The following AGBL4 variants were observed in gnomAD, a reference collection of about 807,000 sequenced individuals.
The protein encoded by AGBL4 is AGBL carboxypeptidase 4.
Under a neutral mutation model 66.4 loss-of-function variants are expected in AGBL4, and 58 were observed. The ratio of observed to expected loss-of-function variants is 0.87; its 90% confidence interval spans 0.71 to 1.09. AGBL4 has a LOEUF of 1.09. Ranked by LOEUF, AGBL4 falls within the 50% of genes least tolerant of loss-of-function variation. The probability of loss-of-function intolerance (pLI) is 0.00; values close to 1 mark genes in which losing one functional copy is unlikely to be tolerated. For synonymous variants in AGBL4, 234 were observed against 222.9 expected, an observed-to-expected ratio of 1.05 and a Z score of -0.44; for missense variants, 579 against 631.0, an observed-to-expected ratio of 0.92 and a Z score of 0.88.
chr1:49,015,704 T>C (rs905389754), intron 5 of AGBL4, among the ~76,000 whole-genome samples: 1 of 151,970 alleles, frequency 6.6e-6, no homozygotes, highest in African/African-American at 2.4e-5. Flanking sequence ...GATTACAGGC[T>C]TGAGCCACCG....
intron 2 of AGBL4, among the ~76,000 whole-genome samples, chr1:49,841,566 G>A (rs996272947): frequency 6.6e-6 from 1 of 152,130 alleles, no homozygotes; most frequent in Non-Finnish European, 1.5e-5. Context: ...CAAGGCTGGA[G>A]AAATCATACT....
At chr1:49,597,175 T>C (rs1644868772) in intron 3 of AGBL4, among the ~76,000 whole-genome samples, 3 of 152,224 alleles carry the variant, frequency 2.0e-5, no homozygotes, top group Admixed American at 2.0e-4. Context: ...TGAATAGTAT[T>C]AAGAATCAAT....
chr1:48,681,734 G>C (rs556548638), intron 6 of AGBL4, among the ~76,000 whole-genome samples: 1 of 152,186 alleles, frequency 6.6e-6, no homozygotes, highest in Non-Finnish European at 1.5e-5. Flanking sequence ...GGGGCTCTCA[G>C]CTCAGAGTAA....
intron 1 of AGBL4, among the ~76,000 whole-genome samples, chr1:49,990,168 C>T (rs1659823955): frequency 1.3e-5 from 2 of 152,186 alleles, no homozygotes; most frequent in Non-Finnish European, 1.5e-5. Flanking sequence ...TTTATAATGA[C>T]ACTAAGTACC....
intron 4 of AGBL4, among the ~76,000 whole-genome samples, chr1:49,212,897 T>C (rs1275640082): frequency 1.3e-5 from 2 of 152,168 alleles, no homozygotes; most frequent in Admixed American, 6.6e-5. Flanking sequence ...TTTACGCATG[T>C]TAAATAATAG....
At chr1:48,855,047 A>G (rs1255149203) in intron 6 of AGBL4, among the ~76,000 whole-genome samples, 1 of 152,234 alleles carries the variant, frequency 6.6e-6, no homozygotes, top group East Asian at 1.9e-4. Context: ...TGGACTGAAG[A>G]ATCCTACTTA....
chr1:49,033,803 C>T (rs998511617), intron 5 of AGBL4, among the ~76,000 whole-genome samples: 1 of 151,660 alleles, frequency 6.6e-6, no homozygotes, highest in Non-Finnish European at 1.5e-5. Flanking sequence ...TTTCATGATT[C>T]AGCTTCCTTT....
In AGBL4 at chr1:49,358,584, C is replaced by A. The variant is rs80101866; in HGVS notation, c.283-112720G>T. On this transcript the variant is annotated intron_variant, in intron 3 of 13. Transcript: ENST00000371839. ...GAGATAACCATCCTTTGCTTGAACA[C>A]TTTTACTAACAAGAAATCATTTTCC... Among the ~76,000 whole-genome samples the A allele has an allele frequency of 3.0e-4, 46 of 152,190 alleles. 1 individual carries two copies. In the East Asian group the frequency reaches 8.7e-3, roughly 29 times the overall value.
intron 3 of AGBL4, among the ~76,000 whole-genome samples, chr1:49,511,527 G>A (rs1649253077): frequency 6.6e-6 from 1 of 151,168 alleles, no homozygotes; most frequent in Non-Finnish European, 1.5e-5. Context: ...AGTGGGTGCA[G>A]CACACCAGCA....
At chr1:49,597,133 T>C (rs139776613) in intron 3 of AGBL4, among the ~76,000 whole-genome samples, 3 of 152,328 alleles carry the variant, frequency 2.0e-5, no homozygotes, top group East Asian at 3.9e-4. Flanking sequence ...CCTATTCAAG[T>C]AAACACCAAT....
At position 49,143,829 on chromosome 1, in the gene AGBL4, C is replaced by T. The variant is rs147956924; in HGVS notation, c.378-98029G>A. On this transcript the variant is annotated intron_variant, in intron 4 of 13. Coordinates refer to ENST00000371839, the MANE Select transcript of AGBL4 (RefSeq NM_032785.4). ...AAATTACTGCTCTTTGAGGAACAGC[C>T]CTAACATATCATTTTCCCAGCAGTG... 4.6e-5 allele frequency among the ~76,000 whole-genome samples: 7 copies of T among 152,258 alleles called. No individual in the cohort carries two copies. In the East Asian group the frequency reaches 1.4e-3, roughly 29 times the overall value.
intron 4 of AGBL4, among the ~76,000 whole-genome samples, chr1:49,055,271 T>G (rs1440761097): frequency 3.3e-5 from 5 of 151,924 alleles, no homozygotes; most frequent in Non-Finnish European, 5.9e-5. Flanking sequence ...ATTTGATAAA[T>G]TTTGTTTTAT....
intron 5 of AGBL4, among the ~76,000 whole-genome samples, chr1:48,904,048 G>A (rs916468211): frequency 6.6e-6 from 1 of 152,136 alleles, no homozygotes; most frequent in Admixed American, 6.5e-5. Flanking sequence ...GGAGGCTAAC[G>A]TGGGTGGATC....
chr1:49,446,994 C>T (rs141404836), intron 3 of AGBL4, among the ~76,000 whole-genome samples: 5 of 152,240 alleles, frequency 3.3e-5, no homozygotes, highest in African/African-American at 1.2e-4. Flanking sequence ...GGCCATGCCA[C>T]CAGTTGGGTC....
At chr1:48,931,747 G>A (rs531247364) in intron 5 of AGBL4, among the ~76,000 whole-genome samples, 1 of 152,230 alleles carries the variant, frequency 6.6e-6, no homozygotes, top group South Asian at 2.1e-4. Context: ...GGGCTCAAGC[G>A]ATCTGCCAGC....
At chr1:49,671,413 C>T (rs993854687) in intron 3 of AGBL4, among the ~76,000 whole-genome samples, 2 of 152,012 alleles carry the variant, frequency 1.3e-5, no homozygotes, top group Non-Finnish European at 2.9e-5. Context: ...TCATCCTGGA[C>T]GTGGGAACGG....
At chr1:48,916,535 T>TTG (rs911220295) in intron 5 of AGBL4, among the ~76,000 whole-genome samples, 13 of 150,996 alleles carry the variant, frequency 8.6e-5, no homozygotes, top group Non-Finnish European at 1.3e-4. Flanking sequence ...GTTCCGTTTT[T>TTG]TGTGTGTGTG....
intron 3 of AGBL4, among the ~76,000 whole-genome samples, chr1:49,416,128 C>A (rs780477729): frequency 6.6e-6 from 1 of 151,920 alleles, no homozygotes; most frequent in African/African-American, 2.4e-5. Context: ...AAATGGTTTG[C>A]TGTTGTTTTT....
At chr1:48,613,997 A>G (rs565706267) in intron 9 of AGBL4, among the ~76,000 whole-genome samples, 1 of 152,348 alleles carries the variant, frequency 6.6e-6, no homozygotes, top group East Asian at 1.9e-4. Context: ...CTAAATACAT[A>G]AGAAATAATT....
Sources: allele counts gnomAD v4.1 joint callset (sites outside exome capture counted in the v4.1 genomes callset), GRCh38; gene constraint gnomAD v4.1.1; transcripts MANE v1.5; gene names NCBI Gene and HGNC (gene_info 2026-07-23, HGNC 2026-07-21).